BLNK: variants seen among roughly 807,000 people sequenced by gnomAD.
The protein encoded by BLNK is B-cell linker protein.
BLNK carries 29 observed loss-of-function variants against 73.5 expected under a neutral mutation model. The ratio of observed to expected loss-of-function variants is 0.39; its 90% confidence interval spans 0.29 to 0.54. The LOEUF is 0.54. BLNK is among the 20% of genes least tolerant of loss of function. BLNK has a pLI of 0.61. For missense variants in BLNK, 460 were observed against 562.8 expected (o/e 0.82, Z 1.85); for synonymous variants, 176 against 200.8 (o/e 0.88, Z 1.04).
intron 1 of BLNK, among the ~76,000 whole-genome samples, chr10:96,261,993 C>T (rs573839640): frequency 1.3e-5 from 2 of 152,194 alleles, no homozygotes; most frequent in Non-Finnish European, 2.9e-5. Context: ...CTACTCCAAG[C>T]ACCCTTGGTC....
chr10:96,243,576 C>T (rs1483428438), intron 2 of BLNK, among the ~76,000 whole-genome samples: 2 of 152,044 alleles, frequency 1.3e-5, no homozygotes, highest in African/African-American at 4.8e-5. Flanking sequence ...AACAAGTGAA[C>T]AGTGAGTGTC....
At chr10:96,234,897 C>T (rs1359098078) in intron 3 of BLNK, among the ~76,000 whole-genome samples, 1 of 152,252 alleles carries the variant, frequency 6.6e-6, no homozygotes, top group Admixed American at 6.5e-5. Flanking sequence ...ATTCCATGGT[C>T]TCTGCCAGGA....
chr10:96,247,147 TC>T, intron 1 of BLNK, 98 bp from the exon 2 acceptor site: 1 of 818,354 alleles, frequency 1.2e-6, no homozygotes, highest in Admixed American at 2.3e-5. Context: ...GGGAAAAAAC[TC>T]TACCAAAACA....
intron 3 of BLNK, among the ~76,000 whole-genome samples, chr10:96,236,374 A>T (rs937848101): frequency 1.3e-5 from 2 of 152,240 alleles, no homozygotes; most frequent in Non-Finnish European, 2.9e-5. Context: ...GAAAAGGAAC[A>T]GAAAGCAGAA....
At chr10:96,256,880 C>CA (rs1295010912) in intron 1 of BLNK, among the ~76,000 whole-genome samples, 82,170 of 103,422 alleles carry the variant, frequency 0.79, 33,064 homozygotes, top group South Asian at 0.86. Flanking sequence ...GACTCCATCT[C>CA]AAAAAAAAAA....
chr10:96,207,769 T>C (rs1554897764), intron 10 of BLNK, 103 bp downstream of exon 10: 2 of 1,385,250 alleles, frequency 1.4e-6, no homozygotes, highest in African/African-American at 1.4e-5. Flanking sequence ...TTGCTAAGAT[T>C]GCTGTGTTCA....
intron 2 of BLNK, among the ~76,000 whole-genome samples, chr10:96,245,815 C>T (rs1411399914): frequency 6.6e-6 from 1 of 150,996 alleles, no homozygotes; most frequent in Non-Finnish European, 1.5e-5. Context: ...CACATACATA[C>T]ATATATACAT....
At chr10:96,216,875 G>A in intron 6 of BLNK, 141 bp from the exon 7 acceptor site, 2 of 751,530 alleles carry the variant, frequency 2.7e-6, no homozygotes, top group Non-Finnish European at 4.6e-6. Context: ...GTACAATTTG[G>A]TGACTTTTAG....
chr10:96,252,793 A>T (rs1453929344), intron 1 of BLNK, among the ~76,000 whole-genome samples: 1 of 152,194 alleles, frequency 6.6e-6, no homozygotes, highest in Non-Finnish European at 1.5e-5. Context: ...CTTGGAGCAG[A>T]GTGCCATGGT....
chr10:96,222,326 A>G (rs2084216878), intron 6 of BLNK, among the ~76,000 whole-genome samples: 2 of 152,182 alleles, frequency 1.3e-5, no homozygotes, highest in Admixed American at 1.3e-4. Flanking sequence ...AATGAAGGTC[A>G]TTTCACAACA....
In BLNK at chr10:96,194,794, G is replaced by A. The variant is rs2083419575; in HGVS notation, c.1251+2114C>T. The stretch of plus-strand genomic sequence containing the variant: ...TTTTTTTTTTTTTTTTTTTTGAGAC[G>A]GAGTCTCGCTCTGTCGCCCAGGCTG... On this transcript the variant is annotated intron_variant, in intron 16 of 16. Coordinates refer to ENST00000224337, the MANE Select transcript of BLNK (RefSeq NM_013314.4). Among the ~76,000 whole-genome samples, 3 of 36,980 alleles carry A rather than the reference G, an allele frequency of 8.1e-5. No homozygotes were observed. The Admixed American group carries it at 1.0e-3, about 12-fold the overall frequency. 24.3% of individuals were successfully genotyped at this position (36,980 alleles called of 152,430 possible). A position where few individuals can be genotyped will look rare whatever the true frequency, so the allele number is the denominator to read the frequency against.
chr10:96,199,602 T>C (rs2083573920), intron 15 of BLNK: 1 of 445,322 alleles, frequency 2.2e-6, no homozygotes, highest in Non-Finnish European at 4.5e-6. Flanking sequence ...GATAGCAGTT[T>C]CTCTTGAGTA....
chr10:96,265,310 C>T (rs1243531224), intron 1 of BLNK, among the ~76,000 whole-genome samples: 2 of 152,062 alleles, frequency 1.3e-5, no homozygotes, highest in African/African-American at 2.4e-5. Context: ...ATCAGACTCA[C>T]AAGCCCTTGA....
chr10:96,213,827 C>G (rs918910801), intron 8 of BLNK, among the ~76,000 whole-genome samples: 1 of 152,174 alleles, frequency 6.6e-6, no homozygotes, highest in Non-Finnish European at 1.5e-5. Context: ...GGGGCCTAAG[C>G]AACCTGGTCA....
chr10:96,244,844 C>T (rs1306219789), intron 2 of BLNK, among the ~76,000 whole-genome samples: 1 of 151,940 alleles, frequency 6.6e-6, no homozygotes, highest in Non-Finnish European at 1.5e-5. Flanking sequence ...AATAGAGAGA[C>T]ATTTTATGCA....
chr10:96,240,598 C>T (rs143100250), intron 3 of BLNK, among the ~76,000 whole-genome samples: 2,788 of 152,062 alleles, frequency 0.018, 81 homozygotes, highest in African/African-American at 0.063. Context: ...ACTGTGTGGC[C>T]ATCAGGATAG....
intron 6 of BLNK, among the ~76,000 whole-genome samples, chr10:96,218,647 T>C (rs1554900373): frequency 6.6e-6 from 1 of 150,482 alleles, no homozygotes; most frequent in Non-Finnish European, 1.5e-5. Flanking sequence ...TGAGTTGTGA[T>C]TGCGCTTGGC....
chr10:96,269,116 G>A (rs542102288), intron 1 of BLNK, among the ~76,000 whole-genome samples: 4 of 152,286 alleles, frequency 2.6e-5, no homozygotes, highest in Non-Finnish European at 5.9e-5. Context: ...CACGTCAACA[G>A]TACATTTTAC....
intron 1 of BLNK, among the ~76,000 whole-genome samples, chr10:96,257,693 A>G (rs1843574795): frequency 6.6e-6 from 1 of 152,242 alleles, no homozygotes; most frequent in African/African-American, 2.4e-5. Flanking sequence ...ATTTAATGTC[A>G]TGCTTTGCTG....
Sources: allele counts gnomAD v4.1 joint callset (sites outside exome capture counted in the v4.1 genomes callset), GRCh38; gene constraint gnomAD v4.1.1; transcripts MANE v1.5; gene names NCBI Gene and HGNC (gene_info 2026-07-23, HGNC 2026-07-21).